BRWD1: variants seen among roughly 807,000 people sequenced by gnomAD.
BRWD1 encodes the protein bromodomain and WD repeat domain containing 1, also known as bromodomain and WD repeat-containing protein 1.
A neutral mutation model predicts 251.2 loss-of-function variants in BRWD1; 82 were observed. The observed-to-expected ratio is 0.33, with a 90% confidence interval of 0.27 to 0.39. BRWD1 has a LOEUF of 0.39. Ranked by LOEUF, BRWD1 falls within the 10% of genes least tolerant of loss-of-function variation. The pLI is 1.00. For missense variants in BRWD1, 2,233 were observed against 2,711.6 expected (o/e 0.82, Z 3.92); for synonymous variants, 918 against 902.8 (o/e 1.02, Z -0.30).
At chr21:39,256,109 G>A (rs1430463112) in intron 18 of BRWD1, among the ~76,000 whole-genome samples, 1 of 152,168 alleles carries the variant, frequency 6.6e-6, no homozygotes, top group Admixed American at 6.5e-5. Flanking sequence ...ATGAGCCACT[G>A]CACCCAGCCT....
rs758942914 is a variant in BRWD1 at position 39,190,235 on chromosome 21, TTTTA to T, written c.*6020_*6023del. 81 of 980,186 alleles carry T rather than the reference TTTTA, an allele frequency of 8.3e-5. No homozygotes were observed. Among genetic ancestry groups the T allele is most frequent in the African/African-American group, 1.0e-4 (6 of 57,186 alleles). 60.7% of individuals were successfully genotyped at this position (980,186 alleles called of 1,614,324 possible). On this transcript the variant is annotated 3_prime_UTR_variant, in exon 41 of 41. Coordinates refer to ENST00000342449, the MANE Select transcript of BRWD1 (RefSeq NM_033656.4). ...TTAATCATATTCTAATTAGACTTTT[TTTTA>T]ATTTTTAAGCTACCTTATTTACAGA...
chr21:39,239,271 A>G (rs2033912168), intron 21 of BRWD1, among the ~76,000 whole-genome samples: 1 of 152,068 alleles, frequency 6.6e-6, no homozygotes, highest in African/African-American at 2.4e-5. Flanking sequence ...TCATGGACAC[A>G]TAGATTTTGC....
chr21:39,264,742 C>G, intron 16 of BRWD1, 57 bp from the exon 17 acceptor site: 1 of 1,496,360 alleles, frequency 6.7e-7, no homozygotes, highest in South Asian at 1.2e-5. Flanking sequence ...TTAAAGGAAA[C>G]AAATATTAAA....
rs2031541557 is a variant in BRWD1, at chr21:39,191,317, T to C, written c.*4942A>G. 1 of 985,150 alleles carries C rather than the reference T, an allele frequency of 1.0e-6. No homozygotes were observed. The highest frequency in any genetic ancestry group is 1.2e-6 in the Non-Finnish European group (1 of 829,906). 61.0% of individuals were successfully genotyped at this position (985,150 alleles called of 1,614,324 possible). The stretch of plus-strand genomic sequence containing the variant: ...TATATTCTGCCTGCATGAAAAGAAA[T>C]TACCAGTGGAAAAGAGGTTGGGGAA... On this transcript the variant is annotated 3_prime_UTR_variant, in exon 41 of 41. Transcript: ENST00000342449.
In BRWD1 at chr21:39,232,165, C is replaced by T. The variant is rs1234915188; in HGVS notation, c.3000+12G>A. The T allele has an allele frequency of 1.1e-5, 17 of 1,553,760 alleles. No individual in the cohort carries two copies. The highest frequency in any genetic ancestry group is 1.5e-5 in the Non-Finnish European group (17 of 1,128,466). ...TAAAATGTTTAATGATTTAATAATG[C>T]CATCATCCTACCCTAAGATCCATTT... On this transcript the variant is annotated intron_variant, in intron 25 of 40. Transcript: ENST00000342449.
Position 39,269,926 on chromosome 21 carries a change from A to G in BRWD1, c.1503T>C (p.Gly501=). ...GSIFIWDITK[G]TKMKHYFNMI... ...TATTAAAATAATGTTTCATCTTGGT[A>G]CCTTTTGTAATATCCCATATAAATA... The change falls in exon 15 of 41, where the codon GGT becomes GGC. Residue 501 remains glycine, a synonymous_variant. Coordinates refer to ENST00000342449, the MANE Select transcript of BRWD1 (RefSeq NM_033656.4). 3 of 1,548,342 alleles carry G rather than the reference A, an allele frequency of 1.9e-6. No individual in the cohort carries two copies. The South Asian group carries it at 3.8e-5, about 20-fold the overall frequency.
At chr21:39,216,739 T>C in intron 31 of BRWD1, 1 of 414,386 alleles carries the variant, frequency 2.4e-6, no homozygotes, top group Admixed American at 2.9e-5. Flanking sequence ...ACAACAAAAG[T>C]AAAGCCTGAA....
intron 4 of BRWD1, among the ~76,000 whole-genome samples, chr21:39,299,450 T>C (rs998050831): frequency 6.6e-6 from 1 of 152,130 alleles, no homozygotes; most frequent in African/African-American, 2.4e-5. Context: ...CCAGGAGCCA[T>C]AAGTGGATAT....
At chr21:39,285,619 C>CA in intron 8 of BRWD1, among the ~76,000 whole-genome samples, 1 of 151,946 alleles carries the variant, frequency 6.6e-6, no homozygotes, top group South Asian at 2.1e-4. Flanking sequence ...CAACTAAAAA[C>CA]AAAAAATTTA....
intron 32 of BRWD1, 87 bp from the exon 33 acceptor site, chr21:39,213,640 T>G: frequency 1.2e-6 from 1 of 854,218 alleles, no homozygotes; most frequent in Non-Finnish European, 1.8e-6. Context: ...TATAAACAGT[T>G]CACCAACCTA....
rs751436921 is a variant in BRWD1, at chr21:39,238,585, A to T, written c.2482-12T>A. 1 of 1,596,030 alleles carries T rather than the reference A, an allele frequency of 6.3e-7. No homozygotes were observed. Among genetic ancestry groups the T allele is most frequent in the Non-Finnish European group, 8.6e-7 (1 of 1,164,556 alleles). ...TCACAGGAAGTCTCCTAATTTGTGA[A>T]GGGGGGAAAAAAATCTTGATCCCTG... On this transcript the variant is annotated splice_polypyrimidine_tract_variant and intron_variant, in intron 21 of 40. Transcript: ENST00000342449.
At position 39,245,188 on chromosome 21, in the gene BRWD1, G is replaced by A. The variant is rs557572271; in HGVS notation, c.2481+2513C>T. Among the ~76,000 whole-genome samples the A allele has an allele frequency of 8.6e-5, 13 of 152,004 alleles. No individual in the cohort carries two copies. In the South Asian group the frequency reaches 2.7e-3, roughly 32 times the overall value. The stretch of plus-strand genomic sequence containing the variant: ...GAGCCCAGGAGTTTGAGGCTACAGT[G>A]AGCCATGACTGCACCATGCACTACA... On this transcript the variant is annotated intron_variant, in intron 21 of 40. Coordinates refer to ENST00000342449, the MANE Select transcript of BRWD1 (RefSeq NM_033656.4).
chr21:39,293,806 T>A lies in BRWD1; in HGVS notation c.831+5A>T, dbSNP rs2035881441. ...AGGAATGTGCCCACTAAGCTACAAG[T>A]TTACCTGTAAAGATGTAATTGATCC... On this transcript the variant is annotated splice_donor_5th_base_variant and intron_variant, in intron 8 of 40. Coordinates refer to ENST00000342449, the MANE Select transcript of BRWD1 (RefSeq NM_033656.4). 3 of 1,612,312 alleles carry A rather than the reference T, an allele frequency of 1.9e-6. No individual in the cohort carries two copies. The highest frequency in any genetic ancestry group is 1.7e-6 in the Non-Finnish European group (2 of 1,178,546).
chr21:39,200,397 T>C lies in BRWD1; in HGVS notation c.4586-11A>G. ...CTTCCACTTCACTTTCTAGGAAAAA[T>C]AAAGTGTAAATAGTTACATATATTC... On this transcript the variant is annotated splice_polypyrimidine_tract_variant and intron_variant, in intron 38 of 40. Coordinates refer to ENST00000342449, the MANE Select transcript of BRWD1 (RefSeq NM_033656.4). 6.2e-7 allele frequency: 1 copy of C among 1,608,846 alleles called. No homozygotes were observed. Among genetic ancestry groups the C allele is most frequent in the Non-Finnish European group, 8.5e-7 (1 of 1,177,352 alleles).
chr21:39,273,268 G>A (rs1276014521), intron 13 of BRWD1, among the ~76,000 whole-genome samples: 2 of 151,942 alleles, frequency 1.3e-5, no homozygotes, highest in Non-Finnish European at 2.9e-5. Flanking sequence ...AACTAATCAA[G>A]GATTGACAGT....
chr21:39,196,894 G>A lies in BRWD1; in HGVS notation c.6175C>T (p.His2059Tyr). ...CTATCAGTCTCACTCCCTGGAATAT[G>A]ACTTTTTGAATCTTCTCCTGAAGAT... ...VTSSGEDSKSHIPGSETDRTF... is the reference protein window; with the variant it reads ...VTSSGEDSKSYIPGSETDRTF... Residue 2059 changes from histidine (H) to tyrosine (Y), a missense_variant, in exon 41 of 41, where the codon CAT (histidine) becomes TAT (tyrosine). Around this residue, in one of 12 missense-constraint regions of BRWD1, gnomAD observed 928 missense variants for 970.0 expected, o/e 0.96. Transcript: ENST00000342449. 6.2e-7 allele frequency: 1 copy of A among 1,613,870 alleles called. No individual in the cohort carries two copies. The highest frequency in any genetic ancestry group is 1.1e-5 in the South Asian group (1 of 91,078).
At chr21:39,228,365 T>C (rs2033468246) in intron 27 of BRWD1, 135 bp downstream of exon 27, 1 of 615,928 alleles carries the variant, frequency 1.6e-6, no homozygotes, top group South Asian at 2.3e-5. Flanking sequence ...AAAATATATT[T>C]ATAGGTCACT....
At chr21:39,266,070 T>C (rs1427594939) in intron 15 of BRWD1, among the ~76,000 whole-genome samples, 1 of 152,156 alleles carries the variant, frequency 6.6e-6, no homozygotes. Context: ...ATGTTACGCG[T>C]TCGGTGTTGG....
Position 39,187,307 on chromosome 21 carries a change from C to G in BRWD1, c.*8952G>C, listed in dbSNP as rs1222807720. The G allele has an allele frequency of 1.2e-6, 2 of 1,613,894 alleles. No homozygotes were observed. The highest frequency in any genetic ancestry group is 2.2e-5 in the East Asian group (1 of 44,878). ...GTAGCACATCTGCGGGGAACTTTCT[C>G]AGGTACCATTTTTGCTTTCAGAGTT... is the stretch of plus-strand genomic sequence containing the variant. On this transcript the variant is annotated 3_prime_UTR_variant, in exon 41 of 41. Coordinates refer to ENST00000342449, the MANE Select transcript of BRWD1 (RefSeq NM_033656.4).
Sources: gnomAD v4.1 joint callset for allele counts (sites outside exome capture counted in the v4.1 genomes callset) on GRCh38, gnomAD v4.1.1 for gene constraint, gnomAD v4.1.1 regional missense constraint, MANE v1.5 for transcripts, NCBI Gene and HGNC (gene_info 2026-07-23, HGNC 2026-07-21) for gene names.